Variants in GRID2 observed in about 807,000 individuals in gnomAD.
GRID2 encodes the protein glutamate receptor ionotropic, delta-2.
A neutral mutation model predicts 114.8 loss-of-function variants in GRID2; 33 were observed. The observed-to-expected ratio is 0.29, with a 90% CI of 0.22 to 0.38. The LOEUF (loss-of-function observed/expected upper bound fraction) is 0.38. GRID2 is among the 10% of genes least tolerant of loss of function. GRID2 has a pLI of 1.00. For missense variants in GRID2, 1,184 were observed against 1,257.7 expected (o/e 0.94, Z 0.89); for synonymous variants, 505 against 449.9 (o/e 1.12, Z -1.55).
chr4:93,376,248 G>A (rs1490919632), intron 8 of GRID2, among the ~76,000 whole-genome samples: 2 of 152,012 alleles, frequency 1.3e-5, no homozygotes, highest in South Asian at 2.1e-4. Flanking sequence ...AATCAATGAC[G>A]GATCGTATGA....
At chr4:92,677,080 A>G (rs573259135) in intron 2 of GRID2, among the ~76,000 whole-genome samples, 21 of 152,314 alleles carry the variant, frequency 1.4e-4, no homozygotes, top group African/African-American at 4.8e-4. Flanking sequence ...AAATTCATAG[A>G]GACAAAACAG....
chr4:93,373,097 T>C (rs1308663687), intron 8 of GRID2, among the ~76,000 whole-genome samples: 2 of 152,160 alleles, frequency 1.3e-5, no homozygotes, highest in Non-Finnish European at 2.9e-5. Flanking sequence ...CTTTACAATC[T>C]TTACCTACCT....
intron 2 of GRID2, among the ~76,000 whole-genome samples, chr4:92,854,174 C>T (rs1303165900): frequency 2.0e-5 from 3 of 151,772 alleles, no homozygotes. Flanking sequence ...TAGCCATATG[C>T]AAAAACTCAA....
In GRID2 at chr4:93,554,359, G is replaced by A. The variant is rs184962004; in HGVS notation, c.2193+38948G>A. On this transcript the variant is annotated intron_variant, in intron 13 of 15. Transcript: ENST00000282020. Reference sequence around the variant, plus strand: ...GGATTTAACCCTCTTGATACTATTCGTAGAAGCTTGAATCTTCTTTTCCCT... The same window carrying A: ...GGATTTAACCCTCTTGATACTATTCATAGAAGCTTGAATCTTCTTTTCCCT... 3.3e-4 allele frequency among the ~76,000 whole-genome samples: 50 copies of A among 151,874 alleles called. 1 individual carries two copies. The highest frequency in any genetic ancestry group is 9.2e-4 in the Admixed American group (14 of 15,242).
intron 14 of GRID2, among the ~76,000 whole-genome samples, chr4:93,632,792 A>G (rs1333137289): frequency 3.9e-5 from 6 of 152,110 alleles, no homozygotes; most frequent in East Asian, 1.9e-4. Context: ...CATTGAATGT[A>G]TAAATTACCT....
Position 93,335,694 on chromosome 4 carries a change from C to CTTTTTTT in GRID2, c.1246-59907_1246-59901dup, listed in dbSNP as rs55823712. Among the ~76,000 whole-genome samples, 264 of 141,740 alleles carry CTTTTTTT rather than the reference C, an allele frequency of 1.9e-3. 8 individuals carry two copies. The highest frequency in any genetic ancestry group is 5.9e-3 in the African/African-American group (221 of 37,240). The allele number at this position is 141,740 out of a possible 152,430, so 93.0% of individuals were successfully genotyped here. The stretch of plus-strand genomic sequence containing the variant: ...TTCTCTCTCTCTTTCTTTCTTCTTT[C>CTTTTTTT]TTTTTTTTTTTTGAGACAGGGTCTC... On this transcript the variant is annotated intron_variant, in intron 8 of 15. Transcript: ENST00000282020.
chr4:92,341,098 C>A (rs922736803), intron 1 of GRID2, among the ~76,000 whole-genome samples: 8 of 151,984 alleles, frequency 5.3e-5, no homozygotes, highest in South Asian at 4.1e-4. Context: ...GTATACTATA[C>A]AGTATATGGT....
At chr4:92,941,196 C>T (rs1578543788) in intron 2 of GRID2, among the ~76,000 whole-genome samples, 1 of 152,116 alleles carries the variant, frequency 6.6e-6, no homozygotes, top group South Asian at 2.1e-4. Flanking sequence ...TCCCTCTGGT[C>T]CTGGACTTTT....
intron 1 of GRID2, among the ~76,000 whole-genome samples, chr4:92,529,396 C>T (rs1438719270): frequency 6.6e-6 from 1 of 151,960 alleles, no homozygotes; most frequent in African/African-American, 2.4e-5. Context: ...GATCAAAATG[C>T]TTTTTTCTTC....
At chr4:92,769,793 A>T (rs1738451258) in intron 2 of GRID2, among the ~76,000 whole-genome samples, 1 of 152,116 alleles carries the variant, frequency 6.6e-6, no homozygotes. Context: ...CCTAGACTGC[A>T]CATAGCACAG....
intron 1 of GRID2, among the ~76,000 whole-genome samples, chr4:92,423,297 T>C (rs972546627): frequency 6.6e-6 from 1 of 151,974 alleles, no homozygotes; most frequent in Admixed American, 6.6e-5. Flanking sequence ...AATAAGTGAG[T>C]TTTGGCAGTA....
At chr4:92,983,263 C>G (rs1490757311) in intron 2 of GRID2, among the ~76,000 whole-genome samples, 1 of 152,034 alleles carries the variant, frequency 6.6e-6, no homozygotes, top group Non-Finnish European at 1.5e-5. Flanking sequence ...AGAGCAAGTT[C>G]CCAGCACCTG....
At chr4:92,475,129 AAATAAT>A (rs138643012) in intron 1 of GRID2, among the ~76,000 whole-genome samples, 31,244 of 144,704 alleles carry the variant, frequency 0.22, 4,049 homozygotes, top group Middle Eastern at 0.31. Context: ...TAATAATAAT[AAATAAT>A]AATAATAATA....
intron 1 of GRID2, among the ~76,000 whole-genome samples, chr4:92,583,846 A>G (rs1728295459): frequency 6.7e-6 from 1 of 150,170 alleles, no homozygotes; most frequent in South Asian, 2.1e-4. Flanking sequence ...ATATATAAAC[A>G]TGAACATGTA....
At chr4:92,787,687 T>C (rs1173128895) in intron 2 of GRID2, among the ~76,000 whole-genome samples, 1 of 151,888 alleles carries the variant, frequency 6.6e-6, no homozygotes, top group Admixed American at 6.6e-5. Context: ...CCCAGAGAGG[T>C]ACATAATTAT....
chr4:93,465,151 G>A (rs1724145294), intron 11 of GRID2, among the ~76,000 whole-genome samples: 1 of 152,144 alleles, frequency 6.6e-6, no homozygotes, highest in Non-Finnish European at 1.5e-5. Flanking sequence ...GGAAACACAA[G>A]ACACCACGAA....
intron 2 of GRID2, among the ~76,000 whole-genome samples, chr4:92,940,448 C>A (rs1415614360): frequency 6.6e-6 from 1 of 151,394 alleles, no homozygotes; most frequent in Non-Finnish European, 1.5e-5. Flanking sequence ...AGTTGCTTAT[C>A]AGCTTAAGGA....
At chr4:93,599,020 A>C (rs1189227679) in intron 13 of GRID2, among the ~76,000 whole-genome samples, 1 of 152,222 alleles carries the variant, frequency 6.6e-6, no homozygotes, top group Non-Finnish European at 1.5e-5. Flanking sequence ...TATATAATCT[A>C]GACTAAGAAA....
chr4:93,708,252 G>A (rs1185383745), intron 14 of GRID2, among the ~76,000 whole-genome samples: 1 of 151,918 alleles, frequency 6.6e-6, no homozygotes, highest in Non-Finnish European at 1.5e-5. Context: ...TTTCTTTGTT[G>A]ATTTTCTATC....
Sources: allele counts gnomAD v4.1 joint callset (sites outside exome capture counted in the v4.1 genomes callset), GRCh38; gene constraint gnomAD v4.1.1; transcripts MANE v1.5; gene names NCBI Gene and HGNC (gene_info 2026-07-23, HGNC 2026-07-21).